NRG3: variants seen among roughly 807,000 people sequenced by gnomAD.
NRG3 encodes neuregulin 3, also known as pro-neuregulin-3, membrane-bound isoform.
Under a neutral mutation model 66.9 loss-of-function variants are expected in NRG3, and 31 were observed. The ratio of observed to expected loss-of-function variants is 0.46; its 90% CI spans 0.35 to 0.63. The LOEUF (loss-of-function observed/expected upper bound fraction) is 0.63. Ranked by LOEUF, NRG3 falls within the 20% of genes least tolerant of loss-of-function variation. The pLI is 0.00. For missense variants in NRG3, 910 were observed against 878.9 expected (o/e 1.04, Z -0.45); for synonymous variants, 393 against 359.4 (o/e 1.09, Z -1.06).
chr10:82,684,323 A>C (rs1350199081), intron 2 of NRG3, among the ~76,000 whole-genome samples: 2 of 152,252 alleles, frequency 1.3e-5, no homozygotes, highest in Non-Finnish European at 2.9e-5. Flanking sequence ...GTCTGCTTCC[A>C]AACTAAGGCC....
At chr10:82,591,337 A>G (rs547439862) in intron 2 of NRG3, among the ~76,000 whole-genome samples, 5 of 152,334 alleles carry the variant, frequency 3.3e-5, no homozygotes, top group African/African-American at 1.2e-4. Context: ...AAAAATGATA[A>G]TGATACAAAA....
At chr10:82,376,808 C>T (rs1014435140) in intron 2 of NRG3, among the ~76,000 whole-genome samples, 30 of 152,330 alleles carry the variant, frequency 2.0e-4, no homozygotes, top group Non-Finnish European at 3.5e-4. Context: ...CATCCTCACT[C>T]TTTTCATTCT....
chr10:82,100,305 A>G (rs186926467), intron 1 of NRG3, among the ~76,000 whole-genome samples: 298 of 152,108 alleles, frequency 2.0e-3, no homozygotes, highest in Middle Eastern at 0.01. Flanking sequence ...TATGTAGACA[A>G]TGGTGTCTTC....
intron 2 of NRG3, among the ~76,000 whole-genome samples, chr10:82,487,566 A>G (rs780411518): frequency 6.6e-6 from 1 of 152,168 alleles, no homozygotes; most frequent in Admixed American, 6.6e-5. Context: ...ACCAGAGGCC[A>G]TTGCTAATTT....
At chr10:82,710,025 T>C (rs1276345088) in intron 2 of NRG3, among the ~76,000 whole-genome samples, 4 of 152,238 alleles carry the variant, frequency 2.6e-5, no homozygotes, top group South Asian at 4.1e-4. Flanking sequence ...TGCAGACTTA[T>C]ATTCCATTAT....
chr10:82,444,736 A>C (rs10884697), intron 2 of NRG3, among the ~76,000 whole-genome samples: 1 of 152,096 alleles, frequency 6.6e-6, no homozygotes, highest in African/African-American at 2.4e-5. Context: ...TTGAAACTAT[A>C]TTATGAGAAG....
intron 1 of NRG3, among the ~76,000 whole-genome samples, chr10:82,023,351 T>C (rs1207489948): frequency 6.6e-6 from 1 of 152,054 alleles, no homozygotes; most frequent in Non-Finnish European, 1.5e-5. Context: ...CCTTTATTTC[T>C]TTCCCTTGCC....
Position 82,421,930 on chromosome 10 carries a change from T to G in NRG3, c.953+63062T>G, listed in dbSNP as rs373364848. 2.6e-5 allele frequency among the ~76,000 whole-genome samples: 4 copies of G among 152,056 alleles called. No homozygotes were observed. The East Asian group carries it at 7.7e-4, about 29-fold the overall frequency. On this transcript the variant is annotated intron_variant, in intron 2 of 8. Coordinates refer to ENST00000372141, the MANE Select transcript of NRG3 (RefSeq NM_001010848.4). ...CATTTCAACTACTTTCGGTTCAACT[T>G]CAAGTTGTCCAGGGAAAATAAACCC...
chr10:82,423,653 T>C (rs957493444), intron 2 of NRG3, among the ~76,000 whole-genome samples: 2 of 152,150 alleles, frequency 1.3e-5, no homozygotes, highest in South Asian at 2.1e-4. Context: ...AAGAGCTTTA[T>C]TGAGAAACAA....
intron 2 of NRG3, among the ~76,000 whole-genome samples, chr10:82,401,261 T>A (rs574224043): frequency 6.6e-6 from 1 of 152,242 alleles, no homozygotes; most frequent in South Asian, 2.1e-4. Context: ...ATTGTATACA[T>A]ATGCAATATA....
At chr10:82,408,598 A>G (rs1008057062) in intron 2 of NRG3, among the ~76,000 whole-genome samples, 4 of 149,422 alleles carry the variant, frequency 2.7e-5, no homozygotes, top group South Asian at 4.2e-4. Context: ...ACTTTTCTCA[A>G]GGAAAATGAC....
chr10:82,132,907 A>G (rs2132534074), intron 1 of NRG3, among the ~76,000 whole-genome samples: 1 of 152,066 alleles, frequency 6.6e-6, no homozygotes, highest in East Asian at 1.9e-4. Context: ...TTTCTTCAAT[A>G]TAAATTATGA....
At chr10:81,887,615 A>G (rs1412625874) in intron 1 of NRG3, among the ~76,000 whole-genome samples, 1 of 152,116 alleles carries the variant, frequency 6.6e-6, no homozygotes, top group African/African-American at 2.4e-5. Flanking sequence ...ATTAATTTTC[A>G]GTGGCTGGAA....
At chr10:82,541,509 G>T (rs1020588776) in intron 2 of NRG3, among the ~76,000 whole-genome samples, 2 of 152,080 alleles carry the variant, frequency 1.3e-5, no homozygotes, top group Admixed American at 6.5e-5. Context: ...CAAGCAGGGG[G>T]TACGTGACTG....
intron 1 of NRG3, among the ~76,000 whole-genome samples, chr10:81,961,867 G>A (rs1003848317): frequency 9.2e-5 from 14 of 152,244 alleles, no homozygotes; most frequent in Non-Finnish European, 1.6e-4. Context: ...GGCAGTAGCC[G>A]ACGTTTTTGG....
chr10:82,935,098 T>A (rs1190755494), intron 4 of NRG3, among the ~76,000 whole-genome samples: 1 of 152,218 alleles, frequency 6.6e-6, no homozygotes, highest in Non-Finnish European at 1.5e-5. Flanking sequence ...ACTGAATACA[T>A]CAATATATTT....
intron 1 of NRG3, among the ~76,000 whole-genome samples, chr10:81,987,775 T>G (rs1042889704): frequency 6.6e-6 from 1 of 152,198 alleles, no homozygotes; most frequent in African/African-American, 2.4e-5. Context: ...ATCTTAGAGC[T>G]TTGATATCCA....
intron 1 of NRG3, among the ~76,000 whole-genome samples, chr10:82,258,357 T>C (rs977402710): frequency 2.0e-5 from 3 of 152,210 alleles, no homozygotes; most frequent in African/African-American, 7.2e-5. Context: ...ATTTTTCTTA[T>C]TAGAGTCCAT....
At chr10:82,702,463 A>C (rs2055958625) in intron 2 of NRG3, among the ~76,000 whole-genome samples, 1 of 152,192 alleles carries the variant, frequency 6.6e-6, no homozygotes, top group Non-Finnish European at 1.5e-5. Context: ...CTTAAAATGC[A>C]TATGAAGTAA....
Sources: allele counts gnomAD v4.1 joint callset (sites outside exome capture counted in the v4.1 genomes callset), GRCh38; gene constraint gnomAD v4.1.1; transcripts MANE v1.5; gene names NCBI Gene and HGNC (gene_info 2026-07-23, HGNC 2026-07-21).